SLC1A2: variants seen among roughly 807,000 people sequenced by gnomAD.
The protein encoded by SLC1A2 is excitatory amino acid transporter 2.
SLC1A2 carries 15 observed loss-of-function variants against 48.8 expected under a neutral mutation model. The ratio of observed to expected loss-of-function variants is 0.31; its 90% CI spans 0.21 to 0.47. The LOEUF is 0.47. Ranked by LOEUF, SLC1A2 falls within the 20% of genes least tolerant of loss-of-function variation. The pLI, the probability that SLC1A2 is intolerant of heterozygous loss-of-function variation, is 0.99. For missense variants in SLC1A2, 502 were observed against 730.5 expected, an observed-to-expected ratio of 0.69 and a Z score of 3.61; for synonymous variants, 279 against 272.6, an observed-to-expected ratio of 1.02 and a Z score of -0.23.
chr11:35,279,430 C>A (rs983540831), intron 9 of SLC1A2, among the ~76,000 whole-genome samples: 5 of 152,222 alleles, frequency 3.3e-5, no homozygotes, highest in African/African-American at 4.8e-5. Flanking sequence ...CTCTGCATGG[C>A]CTTTGAGGAT....
At chr11:35,337,543 C>G (rs1852678559) in intron 1 of SLC1A2, among the ~76,000 whole-genome samples, 1 of 152,088 alleles carries the variant, frequency 6.6e-6, no homozygotes, top group Non-Finnish European at 1.5e-5. Flanking sequence ...ATCCAAAACT[C>G]AAGGAATATC....
In SLC1A2 at chr11:35,268,155, T is replaced by C. The variant is rs1422044129; in HGVS notation, c.1422-2397A>G. ...TGGAAAAATAAACTTCTAAATTGAT[T>C]GAGACCTGACTCAGATACTTTTTAG... On this transcript the variant is annotated intron_variant, in intron 9 of 10. Coordinates refer to ENST00000278379, the MANE Select transcript of SLC1A2 (RefSeq NM_004171.4). 2.6e-5 allele frequency among the ~76,000 whole-genome samples: 4 copies of C among 152,214 alleles called. No homozygotes were observed. The East Asian group carries it at 7.7e-4, about 29-fold the overall frequency.
intron 8 of SLC1A2, among the ~76,000 whole-genome samples, chr11:35,283,185 A>G (rs1052897892): frequency 1.3e-5 from 2 of 152,120 alleles, no homozygotes; most frequent in African/African-American, 4.8e-5. Flanking sequence ...CTTGATTTCA[A>G]TGCCACACTT....
chr11:35,265,044 G>C (rs1950458096), intron 10 of SLC1A2: 1 of 157,114 alleles, frequency 6.4e-6, no homozygotes, highest in Non-Finnish European at 1.4e-5. Context: ...TGCCTCCCGG[G>C]TTCACGCCAT....
intron 1 of SLC1A2, among the ~76,000 whole-genome samples, chr11:35,389,370 C>T (rs1262277002): frequency 1.3e-5 from 2 of 151,134 alleles, no homozygotes; most frequent in Non-Finnish European, 2.9e-5. Context: ...TCCTCATTCT[C>T]GTTCCAAAAC....
chr11:35,313,074 C>A (rs1851756794), intron 3 of SLC1A2, among the ~76,000 whole-genome samples: 1 of 152,122 alleles, frequency 6.6e-6, no homozygotes, highest in Non-Finnish European at 1.5e-5. Context: ...TTATTCCTTT[C>A]CACTTTTTAT....
At chr11:35,388,756 C>G (rs1854662457) in intron 1 of SLC1A2, among the ~76,000 whole-genome samples, 1 of 152,190 alleles carries the variant, frequency 6.6e-6, no homozygotes, top group Non-Finnish European at 1.5e-5. Flanking sequence ...AGAGCCTATG[C>G]CTCCTTCACA....
rs1851037534 is a variant in SLC1A2, at chr11:35,292,376, C to G, written c.1002G>C (p.Leu334Phe). The G allele has an allele frequency of 6.2e-7, 1 of 1,614,006 alleles. No individual in the cohort carries two copies. Among genetic ancestry groups the G allele is most frequent in the East Asian group, 2.2e-5 (1 of 44,886 alleles). The change falls in exon 7 of 11, where the codon TTG becomes TTC. Residue 334 changes from leucine to phenylalanine, a missense_variant. Transcript: ENST00000278379. The stretch of plus-strand genomic sequence containing the variant: ...TTTTCCTGGTCACTACAAAGTAAAT[C>G]AAGGGGAGAAAGATGCCCCCGTGGA... ...LIIHGGIFLP[L>F]IYFVVTRKNP...
intron 1 of SLC1A2, among the ~76,000 whole-genome samples, chr11:35,346,045 G>A (rs1853020305): frequency 2.0e-5 from 3 of 151,974 alleles, no homozygotes; most frequent in African/African-American, 4.8e-5. Context: ...CAATTAAAAC[G>A]CAGACCCATG....
intron 4 of SLC1A2, among the ~76,000 whole-genome samples, chr11:35,307,904 G>T (rs755401487): frequency 7.2e-5 from 11 of 152,136 alleles, no homozygotes; most frequent in East Asian, 1.9e-4. Flanking sequence ...GGAAGCCTAG[G>T]GCCTGCTGTG....
chr11:35,278,283 T>G (rs1023915699), intron 9 of SLC1A2, among the ~76,000 whole-genome samples: 39 of 149,156 alleles, frequency 2.6e-4, no homozygotes, highest in African/African-American at 6.1e-4. Context: ...GTTTTTTTTT[T>G]TTTTTTTTTT....
In SLC1A2 at chr11:35,292,531, C is replaced by G; in HGVS notation, c.858-11G>C. 1.9e-6 allele frequency: 3 copies of G among 1,568,818 alleles called. No individual in the cohort carries two copies. The highest frequency in any genetic ancestry group is 2.6e-6 in the Non-Finnish European group (3 of 1,140,694). ...CCCAGGGGAGAGTACCTGAAAAACACAAAAGGGAAAAACAGCATTGAAGAG... is the reference window on the plus strand; with the variant it reads ...CCCAGGGGAGAGTACCTGAAAAACAGAAAAGGGAAAAACAGCATTGAAGAG... On this transcript the variant is annotated splice_polypyrimidine_tract_variant and intron_variant, in intron 6 of 10. Coordinates refer to ENST00000278379, the MANE Select transcript of SLC1A2 (RefSeq NM_004171.4).
intron 1 of SLC1A2, among the ~76,000 whole-genome samples, chr11:35,322,239 T>A (rs1261710405): frequency 1.3e-5 from 2 of 152,212 alleles, no homozygotes; most frequent in Non-Finnish European, 2.9e-5. Flanking sequence ...AAGCTCAGCT[T>A]ATCGTGCAAA....
intron 1 of SLC1A2, among the ~76,000 whole-genome samples, chr11:35,356,085 G>A (rs1853450768): frequency 6.6e-6 from 1 of 152,132 alleles, no homozygotes; most frequent in South Asian, 2.1e-4. Flanking sequence ...GAAAGTTGGT[G>A]TGGCCTTCTG....
chr11:35,332,447 C>T (rs966515659), intron 1 of SLC1A2, among the ~76,000 whole-genome samples: 3 of 152,220 alleles, frequency 2.0e-5, no homozygotes, highest in Non-Finnish European at 4.4e-5. Context: ...TAAATTATGA[C>T]ATCAAAGCAA....
In SLC1A2 at chr11:35,271,355, T is replaced by C. The variant is rs141103088; in HGVS notation, c.1422-5597A>G. Among the ~76,000 whole-genome samples, 12 of 152,254 alleles carry C rather than the reference T, an allele frequency of 7.9e-5. No individual in the cohort carries two copies. In the East Asian group the frequency reaches 2.1e-3, roughly 27 times the overall value. ...CTCATCCCATAGAGAAGGCTGAGGA[T>C]GCCACCGAGGTGCTTAATTAACCCT... On this transcript the variant is annotated intron_variant, in intron 9 of 10. Coordinates refer to ENST00000278379, the MANE Select transcript of SLC1A2 (RefSeq NM_004171.4).
chr11:35,381,458 C>T (rs1404759118), intron 1 of SLC1A2, among the ~76,000 whole-genome samples: 3 of 152,144 alleles, frequency 2.0e-5, no homozygotes, highest in Non-Finnish European at 4.4e-5. Flanking sequence ...GTCTAGATAG[C>T]CTTTCAGCCC....
intron 1 of SLC1A2, among the ~76,000 whole-genome samples, chr11:35,331,116 T>G (rs1343976747): frequency 6.6e-6 from 1 of 152,208 alleles, no homozygotes; most frequent in African/African-American, 2.4e-5. Context: ...AGAAGCAGCA[T>G]GCTCAGCCAG....
chr11:35,318,282 G>A (rs1851947213), intron 1 of SLC1A2, among the ~76,000 whole-genome samples: 1 of 152,202 alleles, frequency 6.6e-6, no homozygotes, highest in African/African-American at 2.4e-5. Context: ...AGCCCTTGCT[G>A]GGGTAATGGG....
Sources: allele counts gnomAD v4.1 joint callset (sites outside exome capture counted in the v4.1 genomes callset), GRCh38; gene constraint gnomAD v4.1.1; transcripts MANE v1.5; gene names NCBI Gene and HGNC (gene_info 2026-07-23, HGNC 2026-07-21).